IL1RAPL1: variants seen among roughly 807,000 people sequenced by gnomAD.
IL1RAPL1 encodes the protein interleukin-1 receptor accessory protein-like 1.
IL1RAPL1 carries 3 observed loss-of-function variants against 48.4 expected under a neutral mutation model. The ratio of observed to expected loss-of-function variants is 0.06; its 90% CI spans 0.03 to 0.16. The LOEUF (loss-of-function observed/expected upper bound fraction) is 0.16, where lower values mean the gene tolerates loss of function less well. Ranked by LOEUF, IL1RAPL1 falls within the 10% of genes least tolerant of loss-of-function variation. The pLI is 1.00. For synonymous variants in IL1RAPL1, 185 were observed against 187.7 expected (o/e 0.99, Z 0.12); for missense variants, 349 against 530.6 (o/e 0.66, Z 3.36).
chrX:29,446,112 A>G (rs1360850850), intron 5 of IL1RAPL1, among the ~76,000 whole-genome samples: 1 of 112,104 alleles, frequency 8.9e-6, no homozygotes, highest in Non-Finnish European at 1.9e-5. Flanking sequence ...TGTATGATAC[A>G]GTACCAAACG....
At chrX:29,429,041 A>T in intron 5 of IL1RAPL1, among the ~76,000 whole-genome samples, 1 of 111,887 alleles carries the variant, frequency 8.9e-6, no homozygotes, top group East Asian at 2.8e-4. Flanking sequence ...TCCAAGGCGA[A>T]CTCTTCCCTT....
Position 29,027,922 on chromosome X carries a change from TTGTG to T in IL1RAPL1, c.82+238521_82+238524del, listed in dbSNP as rs751730303. Among the ~76,000 whole-genome samples, 409 of 104,710 alleles carry T rather than the reference TTGTG, an allele frequency of 3.9e-3. 4 individuals are homozygous for T. Among genetic ancestry groups the T allele is most frequent in the African/African-American group, 0.013 (383 of 28,905 alleles). The allele number at this position is 104,710 out of a possible 115,157, so 90.9% of individuals were successfully genotyped here. Reference sequence around the variant, plus strand: ...CATTGTTGAGTTTTAAGATTTCTTTTTGTGTGTGTGTGTGTGTGTGTGTGTGTAT... The same window carrying T: ...CATTGTTGAGTTTTAAGATTTCTTTTTGTGTGTGTGTGTGTGTGTGTGTAT... On this transcript the variant is annotated intron_variant, in intron 2 of 10. Transcript: ENST00000378993.
intron 6 of IL1RAPL1, among the ~76,000 whole-genome samples, chrX:29,778,269 T>C (rs1929254533): frequency 9.0e-6 from 1 of 111,563 alleles, no homozygotes; most frequent in South Asian, 3.7e-4. Flanking sequence ...ACACAACATA[T>C]CCAGACTAGG....
At chrX:29,344,548 A>G (rs895279366) in intron 3 of IL1RAPL1, among the ~76,000 whole-genome samples, 1 of 112,297 alleles carries the variant, frequency 8.9e-6, no homozygotes, top group African/African-American at 3.2e-5. Flanking sequence ...AAGTAAAAAA[A>G]TAAAACACAC....
At chrX:28,855,489 T>C (rs1921782314) in intron 2 of IL1RAPL1, among the ~76,000 whole-genome samples, 1 of 111,951 alleles carries the variant, frequency 8.9e-6, no homozygotes. Context: ...AATGGAATAA[T>C]ACCTTTTATT....
chrX:29,518,216 G>A (rs1375804467), intron 5 of IL1RAPL1, among the ~76,000 whole-genome samples: 1 of 111,643 alleles, frequency 9.0e-6, no homozygotes, highest in Non-Finnish European at 1.9e-5. Context: ...CTGCCTTAGA[G>A]GTATCTAGAA....
Position 29,780,353 on chromosome X carries a change from G to T in IL1RAPL1, c.778+111849G>T, listed in dbSNP as rs1929310117. On this transcript the variant is annotated intron_variant, in intron 6 of 10. Coordinates refer to ENST00000378993, the MANE Select transcript of IL1RAPL1 (RefSeq NM_014271.4). ...AGTTTTATCATATTTGAAACATTTT[G>T]TTGGTCTCAAGATTTAATTAGATTA... Among the ~76,000 whole-genome samples, 3 of 111,941 alleles carry T rather than the reference G, an allele frequency of 2.7e-5. No individual in the cohort carries two copies. In the South Asian group the frequency reaches 1.1e-3, roughly 41 times the overall value.
At chrX:28,908,705 G>C (rs895070591) in intron 2 of IL1RAPL1, among the ~76,000 whole-genome samples, 2 of 111,759 alleles carry the variant, frequency 1.8e-5, no homozygotes, top group Admixed American at 1.9e-4. Flanking sequence ...AATATATCAA[G>C]TTAATTGATG....
intron 1 of IL1RAPL1, among the ~76,000 whole-genome samples, chrX:28,641,349 A>G (rs1203621474): frequency 5.4e-5 from 6 of 110,584 alleles, no homozygotes; most frequent in Non-Finnish European, 9.5e-5. Context: ...TTTGCTGAGA[A>G]TGATGATTTC....
chrX:29,763,467 A>G (rs761349598), intron 6 of IL1RAPL1, among the ~76,000 whole-genome samples: 1 of 111,219 alleles, frequency 9.0e-6, no homozygotes, highest in Admixed American at 9.7e-5. Flanking sequence ...TCAGAATGAA[A>G]ATACTCATAG....
intron 2 of IL1RAPL1, among the ~76,000 whole-genome samples, chrX:28,928,967 A>T (rs947523822): frequency 1.8e-5 from 2 of 112,104 alleles, no homozygotes; most frequent in East Asian, 5.6e-4. Context: ...ATATTTAACT[A>T]TTTGAAGTTA....
intron 2 of IL1RAPL1, among the ~76,000 whole-genome samples, chrX:28,802,812 A>G (rs1296538848): frequency 2.7e-5 from 3 of 111,768 alleles, no homozygotes; most frequent in South Asian, 3.7e-4. Flanking sequence ...GTACTCTCCA[A>G]TGCCATCTTG....
chrX:29,310,060 C>G (rs1240172109), intron 3 of IL1RAPL1, among the ~76,000 whole-genome samples: 2 of 83,658 alleles, frequency 2.4e-5, no homozygotes, highest in East Asian at 8.3e-4. Context: ...CACCACTGCA[C>G]TCCAGCTTGG....
chrX:28,803,703 C>T (rs1936699025), intron 2 of IL1RAPL1, among the ~76,000 whole-genome samples: 1 of 111,463 alleles, frequency 9.0e-6, no homozygotes, highest in East Asian at 2.8e-4. Context: ...TACTTGATTA[C>T]GTGTGTTTCT....
At chrX:29,295,595 A>G (rs1932437993) in intron 3 of IL1RAPL1, among the ~76,000 whole-genome samples, 1 of 111,992 alleles carries the variant, frequency 8.9e-6, no homozygotes, top group Non-Finnish European at 1.9e-5. Flanking sequence ...GAATCTTAGA[A>G]ATAACGGTGG....
At chrX:29,436,986 C>T (rs1934488673) in intron 5 of IL1RAPL1, among the ~76,000 whole-genome samples, 2 of 109,821 alleles carry the variant, frequency 1.8e-5, no homozygotes, top group Admixed American at 9.8e-5. Flanking sequence ...TTCCTCCAAG[C>T]GACAAGCAGA....
At chrX:29,053,828 CTT>C (rs201038039) in intron 2 of IL1RAPL1, among the ~76,000 whole-genome samples, 30,516 of 110,303 alleles carry the variant, frequency 0.28, 3,915 homozygotes, top group African/African-American at 0.49. Context: ...ATAGAAAGTC[CTT>C]TTTTCCATTG....
intron 2 of IL1RAPL1, among the ~76,000 whole-genome samples, chrX:29,027,468 T>A (rs1926511586): frequency 8.9e-6 from 1 of 112,157 alleles, no homozygotes; most frequent in Admixed American, 9.5e-5. Flanking sequence ...CATCCAAGTT[T>A]TTGCAATTAT....
At chrX:28,857,196 A>C (rs1321852271) in intron 2 of IL1RAPL1, among the ~76,000 whole-genome samples, 1 of 112,193 alleles carries the variant, frequency 8.9e-6, no homozygotes, top group Non-Finnish European at 1.9e-5. Flanking sequence ...AGAAAAGTAT[A>C]AAGGTAGCAG....
Sources: gnomAD v4.1 joint callset for allele counts (sites outside exome capture counted in the v4.1 genomes callset) on GRCh38, gnomAD v4.1.1 for gene constraint, MANE v1.5 for transcripts, NCBI Gene and HGNC (gene_info 2026-07-23, HGNC 2026-07-21) for gene names.